PCBP3: variants seen among roughly 807,000 people sequenced by gnomAD.
The protein encoded by PCBP3 is poly(rC) binding protein 3, also known as poly(rC)-binding protein 3.
PCBP3 carries 25 observed loss-of-function variants against 52.7 expected under a neutral mutation model. The observed-to-expected ratio is 0.47, with a 90% CI of 0.35 to 0.66. The LOEUF (loss-of-function observed/expected upper bound fraction) is 0.66, where lower values mean the gene tolerates loss of function less well. PCBP3 is among the 30% of genes least tolerant of loss of function. The pLI, the probability that PCBP3 is intolerant of heterozygous loss-of-function variation, is 0.01. For missense variants in PCBP3, 391 were observed against 490.3 expected (o/e 0.80, Z 1.91); for synonymous variants, 162 against 183.0 (o/e 0.89, Z 0.93).
At chr21:45,748,861 T>A (rs8129304) in intron 3 of PCBP3, among the ~76,000 whole-genome samples, 6 of 152,070 alleles carry the variant, frequency 3.9e-5, no homozygotes, top group African/African-American at 1.4e-4. Context: ...TTCTGCTTCC[T>A]GCTTCTCTCC....
chr21:45,812,295 A>C (rs972337543), intron 4 of PCBP3, among the ~76,000 whole-genome samples: 1 of 152,226 alleles, frequency 6.6e-6, no homozygotes, highest in Non-Finnish European at 1.5e-5. Flanking sequence ...ACATGTGCCC[A>C]AAGTGTGGGT....
chr21:45,774,347 G>A (rs1003627668), intron 4 of PCBP3, among the ~76,000 whole-genome samples: 9 of 149,260 alleles, frequency 6.0e-5, no homozygotes, highest in Non-Finnish European at 1.2e-4. Context: ...CCGAGATTGC[G>A]CCACTGCACT....
chr21:45,670,922 A>C (rs938296418), intron 2 of PCBP3, among the ~76,000 whole-genome samples: 1 of 152,172 alleles, frequency 6.6e-6, no homozygotes, highest in African/African-American at 2.4e-5. Context: ...GCCATCTGCT[A>C]CGGAGGTGGC....
chr21:45,872,713 T>G (rs2095082441), intron 5 of PCBP3: 1 of 151,840 alleles, frequency 6.6e-6, no homozygotes, highest in African/African-American at 2.4e-5. Flanking sequence ...GTGGCTTCGG[T>G]GCTTGGAGGG....
intron 1 of PCBP3, among the ~76,000 whole-genome samples, chr21:45,665,643 A>G (rs1349398503): frequency 6.6e-6 from 1 of 152,160 alleles, no homozygotes; most frequent in Non-Finnish European, 1.5e-5. Flanking sequence ...CTCCCAATAA[A>G]ACAAAGCCCA....
chr21:45,937,646 C>T (rs2077017368), intron 16 of PCBP3, among the ~76,000 whole-genome samples: 1 of 152,212 alleles, frequency 6.6e-6, no homozygotes, highest in Admixed American at 6.5e-5. Context: ...AATGGAGGCA[C>T]ACAAGGGTGA....
In PCBP3 at chr21:45,798,922, AGAGT is replaced by A. The variant is rs1261695125; in HGVS notation, c.-126+43473_-126+43476del. 3.3e-4 allele frequency among the ~76,000 whole-genome samples: 33 copies of A among 100,596 alleles called. 1 individual carries two copies. Among genetic ancestry groups the A allele is most frequent in the East Asian group, 8.9e-4 (3 of 3,360 alleles). The allele number at this position is 100,596 out of a possible 152,430, so 66.0% of individuals were successfully genotyped here. A position where few individuals can be genotyped will look rare whatever the true frequency, so the allele number is the denominator to read the frequency against. Reference sequence around the variant, plus strand: ...TGGATGAATGCATGGATCCATAGAGAGAGTGAATGGATGTGTACATGGATGAATG... The same window carrying A: ...TGGATGAATGCATGGATCCATAGAGAGAATGGATGTGTACATGGATGAATG... On this transcript the variant is annotated intron_variant, in intron 4 of 17. Coordinates refer to ENST00000681687, the MANE Select transcript of PCBP3 (RefSeq NM_001384156.1).
chr21:45,758,387 A>C (rs980787295), intron 4 of PCBP3, among the ~76,000 whole-genome samples: 2 of 152,156 alleles, frequency 1.3e-5, no homozygotes, highest in Non-Finnish European at 2.9e-5. Flanking sequence ...GAATCTGTAG[A>C]TACATTTGGG....
At chr21:45,807,217 A>G (rs1239957649) in intron 4 of PCBP3, among the ~76,000 whole-genome samples, 1 of 152,178 alleles carries the variant, frequency 6.6e-6, no homozygotes, top group African/African-American at 2.4e-5. Context: ...GAAATAAAGG[A>G]TATTCAAATA....
chr21:45,904,730 C>G lies in PCBP3; in HGVS notation c.339+3617C>G, dbSNP rs1330977537. On this transcript the variant is annotated intron_variant, in intron 9 of 17. Coordinates refer to ENST00000681687, the MANE Select transcript of PCBP3 (RefSeq NM_001384156.1). The surrounding 1 kb of genome is among the most constrained non-coding windows in gnomAD (Gnocchi z 4.8). ...ATAACAGCGAAAGTATTTCCAGTCCCAAGTGAACACTGGTTAAAATCTACC... is the reference window on the plus strand; with the variant it reads ...ATAACAGCGAAAGTATTTCCAGTCCGAAGTGAACACTGGTTAAAATCTACC... 6.6e-6 allele frequency among the ~76,000 whole-genome samples: 1 copy of G among 152,206 alleles called. No individual in the cohort carries two copies. The highest frequency in any genetic ancestry group is 6.5e-5 in the Admixed American group (1 of 15,286).
chr21:45,835,322 A>G (rs1356560532), intron 4 of PCBP3, among the ~76,000 whole-genome samples: 1 of 152,130 alleles, frequency 6.6e-6, no homozygotes, highest in African/African-American at 2.4e-5. Flanking sequence ...CCGGAGGCTT[A>G]GCAGCACCGG....
intron 4 of PCBP3, among the ~76,000 whole-genome samples, chr21:45,823,989 G>T (rs182013190): frequency 6.6e-6 from 1 of 152,068 alleles, no homozygotes; most frequent in Non-Finnish European, 1.5e-5. Flanking sequence ...TAATTCACCC[G>T]CCTTGGCCTC....
chr21:45,840,088 G>A (rs1369835231), intron 4 of PCBP3, among the ~76,000 whole-genome samples: 9 of 152,016 alleles, frequency 5.9e-5, no homozygotes, highest in Non-Finnish European at 1.2e-4. Flanking sequence ...ATATTTTGTG[G>A]TGCTGTACAA....
Position 45,821,431 on chromosome 21 carries a change from G to A in PCBP3, c.-125-28530G>A, listed in dbSNP as rs1393733597. ...TCTACAACACTCTTCCCCCTGCACCGTGCTGTGGGCCCCGCACCTTCCCCC... is the reference window on the plus strand; with the variant it reads ...TCTACAACACTCTTCCCCCTGCACCATGCTGTGGGCCCCGCACCTTCCCCC... On this transcript the variant is annotated intron_variant, in intron 4 of 17. Transcript: ENST00000681687. This position sits in a 1 kb window ranked among gnomAD's most constrained non-coding sequence, Gnocchi z 4.4. Among the ~76,000 whole-genome samples the A allele has an allele frequency of 1.8e-4, 12 of 67,010 alleles. No individual in the cohort carries two copies. Among genetic ancestry groups the A allele is most frequent in the Admixed American group, 4.1e-4 (2 of 4,934 alleles). 44.0% of individuals were successfully genotyped at this position (67,010 alleles called of 152,430 possible). A position where few individuals can be genotyped will look rare whatever the true frequency, so the allele number is the denominator to read the frequency against.
intron 3 of PCBP3, among the ~76,000 whole-genome samples, chr21:45,745,778 T>C (rs2086782524): frequency 6.6e-6 from 1 of 152,174 alleles, no homozygotes; most frequent in South Asian, 2.1e-4. Context: ...GATGAGGACA[T>C]AGGAGGCACT....
intron 4 of PCBP3, among the ~76,000 whole-genome samples, chr21:45,801,665 G>A (rs1405435970): frequency 6.6e-6 from 1 of 152,202 alleles, no homozygotes; most frequent in Non-Finnish European, 1.5e-5. Context: ...CCTCCTGGAT[G>A]CACTCTGCTT....
intron 2 of PCBP3, among the ~76,000 whole-genome samples, chr21:45,734,874 C>T (rs977371546): frequency 6.6e-6 from 1 of 152,214 alleles, no homozygotes; most frequent in Non-Finnish European, 1.5e-5. Flanking sequence ...CTTTGGACAT[C>T]ACTGGACAGA....
At chr21:45,866,653 G>T (rs1296775866) in intron 5 of PCBP3, among the ~76,000 whole-genome samples, 1 of 152,134 alleles carries the variant, frequency 6.6e-6, no homozygotes, top group African/African-American at 2.4e-5. Flanking sequence ...GGGAGGCGGG[G>T]GTGGCTGGAG....
In PCBP3 at chr21:45,800,430, CTT is replaced by C. The variant is rs1280125953; in HGVS notation, c.-126+44980_-126+44981del. On this transcript the variant is annotated intron_variant, in intron 4 of 17. Coordinates refer to ENST00000681687, the MANE Select transcript of PCBP3 (RefSeq NM_001384156.1). The surrounding 1 kb of genome is among the most constrained non-coding windows in gnomAD (Gnocchi z 5.3). ...GAACCTGAGGGTAAATGGAGAGGCT[CTT>C]TACCAGCACTGAACTCTGAGCCCAA... Among the ~76,000 whole-genome samples the C allele has an allele frequency of 2.0e-5, 3 of 152,192 alleles. No homozygotes were observed. Among genetic ancestry groups the C allele is most frequent in the Admixed American group, 2.0e-4 (3 of 15,290 alleles).
Sources: gnomAD v4.1 joint callset for allele counts (sites outside exome capture counted in the v4.1 genomes callset) on GRCh38, gnomAD v4.1.1 for gene constraint, Gnocchi (gnomAD v3.1) non-coding constraint, MANE v1.5 for transcripts, NCBI Gene and HGNC (gene_info 2026-07-23, HGNC 2026-07-21) for gene names.